CSMD1: variants seen among roughly 807,000 people sequenced by gnomAD.
CSMD1 encodes the protein CUB and sushi domain-containing protein 1.
A neutral mutation model predicts 417.5 loss-of-function variants in CSMD1; 213 were observed. The ratio of observed to expected loss-of-function variants is 0.51; its 90% CI spans 0.46 to 0.57. The LOEUF (loss-of-function observed/expected upper bound fraction) is 0.57. CSMD1 is among the 20% of genes least tolerant of loss of function. The pLI is 0.00. For synonymous variants in CSMD1, 2,862 were observed against 1,736.8 expected, an observed-to-expected ratio of 1.65 and a Z score of -16.11; for missense variants, 6,923 against 4,529.7, an observed-to-expected ratio of 1.53 and a Z score of -15.17.
At chr8:4,730,449 T>C (rs1809769030) in intron 1 of CSMD1, among the ~76,000 whole-genome samples, 1 of 151,992 alleles carries the variant, frequency 6.6e-6, no homozygotes, top group Non-Finnish European at 1.5e-5. Flanking sequence ...GATTTAAGAA[T>C]AAAGAAAATG....
intron 7 of CSMD1, among the ~76,000 whole-genome samples, chr8:3,707,696 G>A (rs989237669): frequency 6.6e-6 from 1 of 152,198 alleles, no homozygotes; most frequent in East Asian, 1.9e-4. Context: ...GGTCTGCATA[G>A]TGAGTCTCCA....
At chr8:4,402,300 C>G (rs77156835) in intron 3 of CSMD1, among the ~76,000 whole-genome samples, 4 of 151,810 alleles carry the variant, frequency 2.6e-5, no homozygotes, top group South Asian at 2.1e-4. Flanking sequence ...TGCCCCTTCT[C>G]TCCTCTTTCC....
chr8:4,701,479 G>A (rs1050232240), intron 1 of CSMD1, among the ~76,000 whole-genome samples: 1 of 152,030 alleles, frequency 6.6e-6, no homozygotes, highest in African/African-American at 2.4e-5. Context: ...CCTCCTCCCC[G>A]ACCCCAGCAC....
At chr8:4,295,726 CTG>C (rs200937923) in intron 3 of CSMD1, among the ~76,000 whole-genome samples, 7,681 of 122,380 alleles carry the variant, frequency 0.063, 253 homozygotes, top group Non-Finnish European at 0.088. Context: ...TTATATATAT[CTG>C]TGTGTGTGTA....
At chr8:4,303,968 T>G (rs1238718100) in intron 3 of CSMD1, among the ~76,000 whole-genome samples, 2 of 152,142 alleles carry the variant, frequency 1.3e-5, no homozygotes, top group Non-Finnish European at 2.9e-5. Flanking sequence ...CCTCTTCCTT[T>G]TGCCTCCTCC....
chr8:4,160,193 G>A (rs1291281603), intron 3 of CSMD1, among the ~76,000 whole-genome samples: 1 of 152,028 alleles, frequency 6.6e-6, no homozygotes, highest in Non-Finnish European at 1.5e-5. Flanking sequence ...GGAAGTATTT[G>A]TCTTTTATAT....
At chr8:4,327,202 C>A (rs554587540) in intron 3 of CSMD1, among the ~76,000 whole-genome samples, 1 of 152,282 alleles carries the variant, frequency 6.6e-6, no homozygotes, top group East Asian at 1.9e-4. Context: ...TAACACATTA[C>A]ATATCTTTAA....
intron 5 of CSMD1, among the ~76,000 whole-genome samples, chr8:3,956,023 G>T (rs1204303908): frequency 6.6e-6 from 1 of 152,158 alleles, no homozygotes; most frequent in Admixed American, 6.5e-5. Flanking sequence ...TCGAACTCCT[G>T]ACCTCAGGTG....
chr8:4,383,960 C>G (rs1412167448), intron 3 of CSMD1, among the ~76,000 whole-genome samples: 2 of 152,112 alleles, frequency 1.3e-5, no homozygotes, highest in Admixed American at 1.3e-4. Flanking sequence ...ATGGAAACAG[C>G]TCTCTCAACA....
intron 5 of CSMD1, among the ~76,000 whole-genome samples, chr8:3,884,564 G>C (rs906851549): frequency 1.3e-5 from 2 of 152,136 alleles, no homozygotes; most frequent in Non-Finnish European, 2.9e-5. Context: ...CCTGGGTGTG[G>C]AATTGCACAC....
intron 3 of CSMD1, among the ~76,000 whole-genome samples, chr8:4,330,173 G>C (rs1217685679): frequency 7.2e-6 from 1 of 138,392 alleles, no homozygotes; most frequent in Non-Finnish European, 1.7e-5. Flanking sequence ...AACAGGAACA[G>C]AGGTTCCTGT....
intron 3 of CSMD1, among the ~76,000 whole-genome samples, chr8:4,222,792 C>T (rs1326089577): frequency 6.6e-6 from 1 of 152,100 alleles, no homozygotes; most frequent in Non-Finnish European, 1.5e-5. Flanking sequence ...TCATTAAGGG[C>T]TGGTTGAGCT....
intron 5 of CSMD1, among the ~76,000 whole-genome samples, chr8:3,981,500 TAAAAAAAAA>T (rs200296436): frequency 5.2e-5 from 6 of 115,074 alleles, no homozygotes; most frequent in East Asian, 2.4e-4. Flanking sequence ...TAGAAAAAAG[TAAAAAAAAA>T]AAAAAAAAAA....
intron 5 of CSMD1, among the ~76,000 whole-genome samples, chr8:3,841,879 C>A (rs950590532): frequency 8.6e-5 from 13 of 151,854 alleles, no homozygotes; most frequent in Admixed American, 6.6e-4. Flanking sequence ...CTTGGGTTGG[C>A]CACACTGGCC....
At chr8:3,532,610 T>A (rs755631271) in intron 10 of CSMD1, among the ~76,000 whole-genome samples, 3 of 152,220 alleles carry the variant, frequency 2.0e-5, no homozygotes, top group African/African-American at 7.2e-5. Flanking sequence ...GGTGTTATTG[T>A]AGATTTACTA....
intron 5 of CSMD1, among the ~76,000 whole-genome samples, chr8:3,945,271 C>G (rs746836859): frequency 6.6e-6 from 1 of 151,404 alleles, no homozygotes; most frequent in Non-Finnish European, 1.5e-5. Context: ...AATACATTCT[C>G]CATCATGTAA....
chr8:4,933,402 G>A (rs184408429), intron 1 of CSMD1, among the ~76,000 whole-genome samples: 24 of 152,164 alleles, frequency 1.6e-4, no homozygotes, highest in African/African-American at 5.1e-4. Flanking sequence ...TGACCTTATG[G>A]GGAAAAAAGT....
At chr8:3,625,298 G>T (rs1165441708) in intron 7 of CSMD1, among the ~76,000 whole-genome samples, 1 of 152,152 alleles carries the variant, frequency 6.6e-6, no homozygotes, top group Non-Finnish European at 1.5e-5. Flanking sequence ...GCTTTTATAC[G>T]TATTGTTTTA....
At chr8:4,374,754 G>A (rs954814301) in intron 3 of CSMD1, among the ~76,000 whole-genome samples, 4 of 152,108 alleles carry the variant, frequency 2.6e-5, no homozygotes, top group Non-Finnish European at 4.4e-5. Context: ...ACGTCCAAGT[G>A]GTTCTTGTCT....
Sources: allele counts gnomAD v4.1 joint callset (sites outside exome capture counted in the v4.1 genomes callset), GRCh38; gene constraint gnomAD v4.1.1; transcripts MANE v1.5; gene names NCBI Gene and HGNC (gene_info 2026-07-23, HGNC 2026-07-21).